The following TET1 variants were observed in gnomAD, a reference collection of about 807,000 sequenced individuals.
The protein encoded by TET1 is methylcytosine dioxygenase TET1.
A neutral mutation model predicts 148.7 loss-of-function variants in TET1; 13 were observed. That is an observed-to-expected ratio of 0.09 (90% CI 0.06 to 0.14). TET1 has a LOEUF of 0.14. TET1 is among the 10% of genes least tolerant of loss of function. The pLI, the probability that TET1 is intolerant of heterozygous loss-of-function variation, is 1.00. For missense variants in TET1, 2,182 were observed against 2,553.8 expected (o/e 0.85, Z 3.14); for synonymous variants, 907 against 937.2 (o/e 0.97, Z 0.59).
chr10:68,627,763 C>T (rs11816072), intron 3 of TET1, among the ~76,000 whole-genome samples: 25,602 of 148,702 alleles, frequency 0.17, 2,317 homozygotes, highest in South Asian at 0.24. Context: ...CCGTCTCTAC[C>T]AAAAAAATAA....
intron 3 of TET1, among the ~76,000 whole-genome samples, chr10:68,636,290 A>T (rs950015522): frequency 4.6e-5 from 7 of 152,194 alleles, no homozygotes; most frequent in Non-Finnish European, 1.0e-4. Context: ...GTTAAAAAAA[A>T]TTAAATAGAG....
chr10:68,691,003 C>T lies in TET1; in HGVS notation c.5600C>T (p.Thr1867Ile). 1.2e-6 allele frequency: 2 copies of T among 1,614,204 alleles called. No individual in the cohort carries two copies. The highest frequency in any genetic ancestry group is 2.2e-5 in the East Asian group (1 of 44,882). ...CCAGCTCCACTGAAGAATGACGCAA[C>T]AGCCTCATGCGGGTTTTCAGAAAGA... ...ATPAPLKNDA[T>I]ASCGFSERSS... Residue 1867 changes from threonine to isoleucine, a missense_variant, in exon 12 of 12, where the codon ACA (threonine) becomes ATA (isoleucine). By Grantham distance (89) the Thr-to-Ile change is moderately conservative. This residue lies in a region of TET1 where 380 missense variants were observed against 387.9 expected (regional missense o/e 0.98). Transcript: ENST00000373644. The surrounding 1 kb of genome is among the most constrained non-coding windows in gnomAD (Gnocchi z 4.4).
At position 68,646,446 on chromosome 10, in the gene TET1, C is replaced by G; in HGVS notation, c.3717C>G (p.Leu1239=). Residue 1239 remains leucine, a synonymous_variant, in exon 4 of 12, where the codon CTC becomes CTG. Coordinates refer to ENST00000373644, the MANE Select transcript of TET1 (RefSeq NM_030625.3). ...IMQPKTVFPP[L]TQIKLQRYPE... is the part of the protein sequence containing the mutation. Reference sequence around the variant, plus strand: ...AACCCAAAACAGTATTTCCACCACTCACTCAGATAAAATTACAGAGATATC... The same window carrying G: ...AACCCAAAACAGTATTTCCACCACTGACTCAGATAAAATTACAGAGATATC... 1 of 1,614,164 alleles carries G rather than the reference C, an allele frequency of 6.2e-7. No homozygotes were observed. The highest frequency in any genetic ancestry group is 1.6e-4 in the Middle Eastern group (1 of 6,062).
chr10:68,584,392 T>C (rs2053836611), intron 2 of TET1, among the ~76,000 whole-genome samples: 1 of 151,676 alleles, frequency 6.6e-6, no homozygotes, highest in Admixed American at 6.6e-5. Context: ...ATTTTTCATA[T>C]GACAATGTCT....
intron 3 of TET1, among the ~76,000 whole-genome samples, chr10:68,638,809 G>A (rs1053813523): frequency 6.8e-6 from 1 of 146,644 alleles, no homozygotes; most frequent in Non-Finnish European, 1.5e-5. Context: ...GTGTGTGTGT[G>A]TGGTGGAGGG....
intron 7 of TET1, among the ~76,000 whole-genome samples, chr10:68,669,596 C>A (rs528607905): frequency 6.7e-6 from 1 of 148,600 alleles, no homozygotes; most frequent in African/African-American, 2.5e-5. Flanking sequence ...CCTCGTGATT[C>A]GCCCACCTCG....
rs1352067956 is a variant in TET1, at chr10:68,563,297, A to G, written c.-123+2555A>G. Among the ~76,000 whole-genome samples the G allele has an allele frequency of 2.6e-5, 4 of 152,250 alleles. No individual in the cohort carries two copies. The South Asian group carries it at 6.2e-4, about 24-fold the overall frequency. Reference sequence around the variant, plus strand: ...CTCACACTTCCTGTGGTAGAAAACTATCTAGGAACAGCAAGCAGTTGCCTG... The same window carrying G: ...CTCACACTTCCTGTGGTAGAAAACTGTCTAGGAACAGCAAGCAGTTGCCTG... On this transcript the variant is annotated intron_variant, in intron 1 of 11. Transcript: ENST00000373644.
At chr10:68,665,398 G>T (rs1257083922) in intron 6 of TET1, among the ~76,000 whole-genome samples, 1 of 152,060 alleles carries the variant, frequency 6.6e-6, no homozygotes, top group Non-Finnish European at 1.5e-5. Flanking sequence ...TCTATTCCAT[G>T]AATTTATACT....
chr10:68,599,314 A>C (rs984168313), intron 2 of TET1, among the ~76,000 whole-genome samples: 1 of 152,188 alleles, frequency 6.6e-6, no homozygotes, highest in Non-Finnish European at 1.5e-5. Context: ...GGCTGGAGCT[A>C]GGGCTGTCTT....
intron 8 of TET1, among the ~76,000 whole-genome samples, chr10:68,678,716 C>G (rs7071381): frequency 6.6e-6 from 1 of 151,340 alleles, no homozygotes; most frequent in Non-Finnish European, 1.5e-5. Flanking sequence ...CACCACTGCA[C>G]CCCCCCACAC....
intron 2 of TET1, among the ~76,000 whole-genome samples, chr10:68,575,245 G>C (rs1242055281): frequency 2.0e-5 from 3 of 151,922 alleles, no homozygotes; most frequent in Non-Finnish European, 2.9e-5. Flanking sequence ...TTAGCTGGGC[G>C]TGGTGGCGGG....
chr10:68,624,335 GC>G (rs1284841897), intron 3 of TET1, among the ~76,000 whole-genome samples: 1 of 151,912 alleles, frequency 6.6e-6, no homozygotes, highest in Non-Finnish European at 1.5e-5. Flanking sequence ...TGTTGCCCAG[GC>G]TGGAGTGCAA....
intron 3 of TET1, among the ~76,000 whole-genome samples, chr10:68,622,182 C>T (rs1464076210): frequency 2.0e-5 from 2 of 101,632 alleles, no homozygotes; most frequent in Admixed American, 1.0e-4. Flanking sequence ...TCCTTCCTTC[C>T]TTCCTTCCTT....
At chr10:68,682,093 CTTTTTT>C (rs386371716) in intron 9 of TET1, among the ~76,000 whole-genome samples, 163 of 67,060 alleles carry the variant, frequency 2.4e-3, no homozygotes, top group Middle Eastern at 0.026. Flanking sequence ...TTGATCTACT[CTTTTTT>C]TTTTTTTTTT....
chr10:68,596,380 C>G (rs1168436250), intron 2 of TET1, among the ~76,000 whole-genome samples: 2 of 152,054 alleles, frequency 1.3e-5, no homozygotes, highest in African/African-American at 4.8e-5. Flanking sequence ...GGTACATGCT[C>G]AAGTCAAGTT....
At chr10:68,676,256 ATATATATATATATTTTTTTTTT>A (rs2055354342) in intron 8 of TET1, among the ~76,000 whole-genome samples, 1 of 40,380 alleles carries the variant, frequency 2.5e-5, no homozygotes, top group Non-Finnish European at 3.9e-5. Context: ...ATATATATAT[ATATATATATATATTTTTTTTTT>A]TTTTTTTTTT....
chr10:68,621,920 T>C (rs1174638377), intron 3 of TET1, among the ~76,000 whole-genome samples: 1 of 152,178 alleles, frequency 6.6e-6, no homozygotes, highest in African/African-American at 2.4e-5. Context: ...TATATGTTTG[T>C]CTTTTTTTTA....
chr10:68,613,987 T>A (rs1264692804), intron 3 of TET1, among the ~76,000 whole-genome samples: 2 of 152,176 alleles, frequency 1.3e-5, no homozygotes, highest in Non-Finnish European at 2.9e-5. Context: ...TGAACCTTAT[T>A]TGAAGGTTAT....
intron 6 of TET1, among the ~76,000 whole-genome samples, chr10:68,662,683 C>T (rs961990907): frequency 2.0e-5 from 3 of 152,280 alleles, no homozygotes; most frequent in Admixed American, 6.5e-5. Context: ...GCACAGATCG[C>T]TTGAGGCCTG....
Sources: gnomAD v4.1 joint callset for allele counts (sites outside exome capture counted in the v4.1 genomes callset) on GRCh38, gnomAD v4.1.1 for gene constraint, gnomAD v4.1.1 regional missense constraint, Gnocchi (gnomAD v3.1) non-coding constraint, MANE v1.5 for transcripts, NCBI Gene and HGNC (gene_info 2026-07-23, HGNC 2026-07-21) for gene names.